The following RAB7A variants were observed in gnomAD, a reference collection of about 807,000 sequenced individuals.
The protein encoded by RAB7A is RAB7A, member RAS oncogene family.
RAB7A carries 2 observed loss-of-function variants against 24.5 expected under a neutral mutation model. The ratio of observed to expected loss-of-function variants is 0.08; its 90% CI spans 0.03 to 0.26. RAB7A has a LOEUF of 0.26. Ranked by LOEUF, RAB7A falls within the 10% of genes least tolerant of loss-of-function variation. The pLI is 1.00. For synonymous variants in RAB7A, 100 were observed against 95.9 expected (o/e 1.04, Z -0.25); for missense variants, 118 against 255.7 (o/e 0.46, Z 3.67).
intron 5 of RAB7A, among the ~76,000 whole-genome samples, chr3:128,810,633 T>TA (rs1464716689): frequency 6.6e-6 from 1 of 150,758 alleles, no homozygotes; most frequent in Non-Finnish European, 1.5e-5. Context: ...CACCTCTTCT[T>TA]ATAAGGACAC....
intron 1 of RAB7A, among the ~76,000 whole-genome samples, chr3:128,791,974 T>A (rs544808125): frequency 1.8e-4 from 27 of 152,336 alleles, no homozygotes; most frequent in Non-Finnish European, 2.1e-4. Flanking sequence ...TCTAGAAAGA[T>A]CTACCCACCC....
intron 1 of RAB7A, among the ~76,000 whole-genome samples, chr3:128,727,667 G>T (rs1328541951): frequency 6.6e-6 from 1 of 152,226 alleles, no homozygotes; most frequent in East Asian, 1.9e-4. Context: ...AACCTTAGTT[G>T]ATGGCTGTCC....
chr3:128,799,235 G>A (rs1205582178), intron 3 of RAB7A: 1 of 149,150 alleles, frequency 6.7e-6, no homozygotes, highest in African/African-American at 2.6e-5. Context: ...GGTGGAAATA[G>A]CTGTTACTCA....
intron 1 of RAB7A, among the ~76,000 whole-genome samples, chr3:128,742,551 GT>G (rs1292707843): frequency 1.3e-5 from 2 of 152,144 alleles, no homozygotes; most frequent in Non-Finnish European, 2.9e-5. Context: ...GTGCTGATTG[GT>G]GTGTTTACAA....
chr3:128,742,598 A>G (rs952173248), intron 1 of RAB7A, among the ~76,000 whole-genome samples: 8 of 152,076 alleles, frequency 5.3e-5, no homozygotes, highest in African/African-American at 1.9e-4. Flanking sequence ...CCAAGTCCCC[A>G]CTAGATTAGC....
At chr3:128,749,554 G>C (rs1455392131) in intron 1 of RAB7A, 1 of 152,196 alleles carries the variant, frequency 6.6e-6, no homozygotes, top group African/African-American at 2.4e-5. Flanking sequence ...TGGTTTGGCT[G>C]TGTCCCCACC....
intron 1 of RAB7A, among the ~76,000 whole-genome samples, chr3:128,743,493 G>A (rs1238067336): frequency 1.3e-5 from 2 of 152,246 alleles, no homozygotes; most frequent in African/African-American, 4.8e-5. Flanking sequence ...GACCACAGGT[G>A]TGTACCACCA....
At chr3:128,801,812 A>G (rs1051680057) in intron 3 of RAB7A, among the ~76,000 whole-genome samples, 4 of 152,224 alleles carry the variant, frequency 2.6e-5, no homozygotes, top group Non-Finnish European at 5.9e-5. Flanking sequence ...CACTGACTCA[A>G]GAAGCCCAAA....
At chr3:128,747,117 A>G (rs2070625474) in intron 1 of RAB7A, among the ~76,000 whole-genome samples, 1 of 151,236 alleles carries the variant, frequency 6.6e-6, no homozygotes, top group Non-Finnish European at 1.5e-5. Flanking sequence ...CAGCCTGAGC[A>G]ACATAGCAAT....
intron 1 of RAB7A, among the ~76,000 whole-genome samples, chr3:128,743,597 A>G (rs1266235198): frequency 6.6e-6 from 1 of 152,194 alleles, no homozygotes. Flanking sequence ...CAATATGCTC[A>G]GTGGACTAAA....
chr3:128,778,136 G>A (rs917623183), intron 1 of RAB7A, among the ~76,000 whole-genome samples: 1 of 152,152 alleles, frequency 6.6e-6, no homozygotes, highest in Non-Finnish European at 1.5e-5. Flanking sequence ...ATTAATCCTA[G>A]TAAAATGCCT....
chr3:128,745,067 G>C (rs2070597653), intron 1 of RAB7A, among the ~76,000 whole-genome samples: 1 of 151,636 alleles, frequency 6.6e-6, no homozygotes, highest in South Asian at 2.1e-4. Flanking sequence ...GTAGAGACAG[G>C]GTTTCACTGT....
intron 1 of RAB7A, among the ~76,000 whole-genome samples, chr3:128,785,813 A>G (rs927828668): frequency 3.3e-5 from 5 of 151,506 alleles, no homozygotes; most frequent in African/African-American, 4.8e-5. Flanking sequence ...CTCTCACTAG[A>G]TATTTTCATT....
At chr3:128,750,515 G>A (rs957146561) in intron 1 of RAB7A, among the ~76,000 whole-genome samples, 69 of 152,240 alleles carry the variant, frequency 4.5e-4, no homozygotes, top group Non-Finnish European at 7.4e-5. Flanking sequence ...ACCTGCCTCA[G>A]CCTCCCAAAG....
chr3:128,768,621 T>G (rs1297847096), intron 1 of RAB7A, among the ~76,000 whole-genome samples: 2 of 152,142 alleles, frequency 1.3e-5, no homozygotes, highest in African/African-American at 2.4e-5. Context: ...TGTAATAGTT[T>G]GATCACAGCT....
At chr3:128,773,137 G>T (rs1932993724) in intron 1 of RAB7A, among the ~76,000 whole-genome samples, 4 of 152,114 alleles carry the variant, frequency 2.6e-5, no homozygotes, top group South Asian at 2.1e-4. Flanking sequence ...TCCCATCTAG[G>T]AAGTAAGGAG....
At chr3:128,771,267 A>G (rs1283151641) in intron 1 of RAB7A, among the ~76,000 whole-genome samples, 1 of 152,222 alleles carries the variant, frequency 6.6e-6, no homozygotes, top group African/African-American at 2.4e-5. Context: ...CACTGGGCCC[A>G]GCCTACAATT....
intron 1 of RAB7A, chr3:128,795,117 A>G (rs1473646218): frequency 1.8e-6 from 1 of 559,158 alleles, no homozygotes; most frequent in African/African-American, 1.9e-5. Flanking sequence ...GTGAGAGAAT[A>G]CATTCTCTCC....
intron 1 of RAB7A, among the ~76,000 whole-genome samples, chr3:128,734,744 G>A (rs1398135126): frequency 6.6e-6 from 1 of 152,076 alleles, no homozygotes; most frequent in African/African-American, 2.4e-5. Context: ...TGCATATTCT[G>A]ACTGACCCTT....
Sources: allele counts gnomAD v4.1 joint callset (sites outside exome capture counted in the v4.1 genomes callset), GRCh38; gene constraint gnomAD v4.1.1; transcripts MANE v1.5; gene names NCBI Gene and HGNC (gene_info 2026-07-23, HGNC 2026-07-21).